The following ARHGAP31 variants were observed in gnomAD, a reference collection of about 807,000 sequenced individuals.
ARHGAP31 encodes the protein rho GTPase-activating protein 31.
ARHGAP31 carries 34 observed loss-of-function variants against 113.9 expected under a neutral mutation model. The ratio of observed to expected loss-of-function variants is 0.30; its 90% CI spans 0.23 to 0.40. The LOEUF (loss-of-function observed/expected upper bound fraction) is 0.40, where lower values mean the gene tolerates loss of function less well. Ranked by LOEUF, ARHGAP31 falls within the 10% of genes least tolerant of loss-of-function variation. The probability of loss-of-function intolerance (pLI) is 1.00; values close to 1 mark genes in which losing one functional copy is unlikely to be tolerated. For synonymous variants in ARHGAP31, 650 were observed against 684.8 expected (o/e 0.95, Z 0.79); for missense variants, 1,548 against 1,767.1 (o/e 0.88, Z 2.22).
rs2080418356 is a variant in ARHGAP31 at position 119,383,211 on chromosome 3, T to A, written c.667T>A (p.Ser223Thr). 1.9e-6 allele frequency: 3 copies of A among 1,614,012 alleles called. No individual in the cohort carries two copies. Among genetic ancestry groups the A allele is most frequent in the African/African-American group, 1.3e-5 (1 of 74,876 alleles). ...DQIFNNGAPG[S>T]LENDENRPIM... ...AATCTTTAACAACGGTGCACCTGGGTCTCTGGAGAATGATGGTAAGGACTC... is the reference window on the plus strand; with the variant it reads ...AATCTTTAACAACGGTGCACCTGGGACTCTGGAGAATGATGGTAAGGACTC... Residue 223 changes from serine (S) to threonine (T), a missense_variant, in exon 6 of 12, where the codon TCT becomes ACT. By Grantham distance (58) the Ser-to-Thr change is moderately conservative. Transcript: ENST00000264245.
chr3:119,360,969 T>A (rs905972898), intron 1 of ARHGAP31, among the ~76,000 whole-genome samples: 6 of 152,222 alleles, frequency 3.9e-5, no homozygotes, highest in Non-Finnish European at 8.8e-5. Context: ...ACCTCCAGCG[T>A]CAGTCCTTCC....
chr3:119,352,165 A>G (rs1035820767), intron 1 of ARHGAP31, among the ~76,000 whole-genome samples: 3 of 152,232 alleles, frequency 2.0e-5, no homozygotes, highest in Admixed American at 1.3e-4. Flanking sequence ...TACAGTTTCT[A>G]TGTACAAGAT....
chr3:119,416,345 C>T lies in ARHGAP31; in HGVS notation c.*81C>T. ...CAGGGCCAGCTTGCCATATTCCAGG[C>T]ACACGTTATCAAGTTTGGGCCTATT... On this transcript the variant is annotated 3_prime_UTR_variant, in exon 12 of 12. Coordinates refer to ENST00000264245, the MANE Select transcript of ARHGAP31 (RefSeq NM_020754.4). 1.9e-6 allele frequency: 3 copies of T among 1,591,320 alleles called. No homozygotes were observed. In the South Asian group the frequency reaches 3.3e-5, roughly 18 times the overall value.
At position 119,294,993 on chromosome 3, in the gene ARHGAP31, C is replaced by T. The variant is rs777703130; in HGVS notation, c.89C>T (p.Ser30Leu). The change falls in exon 1 of 12, where the codon TCG becomes TTG. Residue 30 changes from serine (S) to leucine (L), a missense_variant. By Grantham distance (145) the Ser-to-Leu change is moderately radical. Transcript: ENST00000264245. ...GCDLTEYLES[S>L]GQDVPYVLKS... is the part of the protein sequence containing the mutation. ...GACCTGACGGAGTATCTGGAAAGCT[C>T]GGGACAGGATGGTAATGTGCCTTGG... The T allele has an allele frequency of 1.2e-6, 2 of 1,614,140 alleles. No homozygotes were observed. Among genetic ancestry groups the T allele is most frequent in the East Asian group, 2.2e-5 (1 of 44,866 alleles).
intron 9 of ARHGAP31, among the ~76,000 whole-genome samples, chr3:119,400,777 A>G (rs2080597481): frequency 6.6e-6 from 1 of 152,202 alleles, no homozygotes; most frequent in Non-Finnish European, 1.5e-5. Context: ...GCTTAGTACC[A>G]AGTTAGAAAT....
chr3:119,329,917 G>A lies in ARHGAP31; in HGVS notation c.100+34913G>A, dbSNP rs542460044. ...GAGAAACCTGGTAAATGAAGACCCT[G>A]TCTGGGTAAACAAACAAAGACGCTG... is the stretch of plus-strand genomic sequence containing the variant. On this transcript the variant is annotated intron_variant, in intron 1 of 11. Transcript: ENST00000264245. 3.6e-5 allele frequency: 35 copies of A among 985,376 alleles called. No homozygotes were observed. In the South Asian group the frequency reaches 1.1e-3, roughly 32 times the overall value. 61.0% of individuals were successfully genotyped at this position (985,376 alleles called of 1,614,324 possible). A position where few individuals can be genotyped will look rare whatever the true frequency, so the allele number is the denominator to read the frequency against.
chr3:119,302,253 A>C (rs1271123673), intron 1 of ARHGAP31, among the ~76,000 whole-genome samples: 1 of 152,212 alleles, frequency 6.6e-6, no homozygotes, highest in African/African-American at 2.4e-5. Flanking sequence ...AGGAGTCTAG[A>C]TAGCACTCTC....
In ARHGAP31 at chr3:119,416,491, GAGA is replaced by G. The variant is rs2080780613; in HGVS notation, c.*230_*232del. 1 of 602,236 alleles carries G rather than the reference GAGA, an allele frequency of 1.7e-6. No homozygotes were observed. The highest frequency in any genetic ancestry group is 2.9e-6 in the Non-Finnish European group (1 of 346,874). 37.3% of individuals were successfully genotyped at this position (602,236 alleles called of 1,614,324 possible). On this transcript the variant is annotated 3_prime_UTR_variant, in exon 12 of 12. Coordinates refer to ENST00000264245, the MANE Select transcript of ARHGAP31 (RefSeq NM_020754.4). The stretch of plus-strand genomic sequence containing the variant: ...TAGTTAAGTCTATGTGAGCAAGTGA[GAGA>G]AGGTTAGGTAAGGGGAGAGGATGGA...
intron 1 of ARHGAP31, chr3:119,298,715 C>T (rs2079554888): frequency 6.4e-6 from 1 of 156,598 alleles, no homozygotes; most frequent in South Asian, 1.7e-4. Context: ...GCTGCAGCCA[C>T]GTGCAGCCTG....
In ARHGAP31 at chr3:119,390,807, C is replaced by T. The variant is rs2080497066; in HGVS notation, c.705C>T (p.Ser235=). ...CAGAAAACCGGCCCATCATGAAGAG[C>T]CTGACCTTGCCAGCCCTCTCCCTGC... ...ENDENRPIMK[S]LTLPALSLPM... The change falls in exon 7 of 12, where the codon AGC becomes AGT. Residue 235 remains serine (S), a synonymous_variant. Transcript: ENST00000264245. The T allele has an allele frequency of 1.2e-6, 2 of 1,612,834 alleles. No homozygotes were observed. The highest frequency in any genetic ancestry group is 2.2e-5 in the South Asian group (2 of 91,014).
intron 8 of ARHGAP31, 76 bp downstream of exon 8, chr3:119,393,667 C>A: frequency 6.5e-7 from 1 of 1,530,274 alleles, no homozygotes; most frequent in South Asian, 1.1e-5. Context: ...TTGGTTTGAT[C>A]ATATCAAACA....
chr3:119,376,043 C>T (rs1011651065), intron 3 of ARHGAP31, among the ~76,000 whole-genome samples: 6 of 152,082 alleles, frequency 3.9e-5, no homozygotes, highest in African/African-American at 1.4e-4. Flanking sequence ...GCGTCAGTCT[C>T]CCTTGGTTAA....
chr3:119,418,462 T>C lies in ARHGAP31; in HGVS notation c.*2198T>C, dbSNP rs1327941065. On this transcript the variant is annotated 3_prime_UTR_variant, in exon 12 of 12. Transcript: ENST00000264245. ...GGTGTCGACGCTCTGATAAGGACCATGTTCCAGTTAGAATGCGAGGGAGGG... is the reference window on the plus strand; with the variant it reads ...GGTGTCGACGCTCTGATAAGGACCACGTTCCAGTTAGAATGCGAGGGAGGG... The C allele has an allele frequency of 1.3e-5, 2 of 152,212 alleles. No individual in the cohort carries two copies. The highest frequency in any genetic ancestry group is 2.4e-5 in the African/African-American group (1 of 41,466). The allele number at this position is 152,212 out of a possible 1,614,324, so 9.4% of individuals were successfully genotyped here.
At chr3:119,336,656 T>G (rs1577000270) in intron 1 of ARHGAP31, among the ~76,000 whole-genome samples, 1 of 151,904 alleles carries the variant, frequency 6.6e-6, no homozygotes, top group Admixed American at 6.6e-5. Context: ...TTTATTGAGA[T>G]ATAATTAACA....
At chr3:119,353,056 G>A (rs770523424) in intron 1 of ARHGAP31, among the ~76,000 whole-genome samples, 2 of 152,134 alleles carry the variant, frequency 1.3e-5, no homozygotes, top group Non-Finnish European at 2.9e-5. Flanking sequence ...TGTATATTGC[G>A]TCACGTCAAT....
At chr3:119,303,782 G>GTTTTTT (rs140742505) in intron 1 of ARHGAP31, among the ~76,000 whole-genome samples, 2 of 150,584 alleles carry the variant, frequency 1.3e-5, no homozygotes, top group African/African-American at 2.5e-5. Flanking sequence ...CTCTTTTCAT[G>GTTTTTT]TTTTTTGTTG....
rs1416068409 is a variant in ARHGAP31, at chr3:119,414,538, TC to T, written c.2610del (p.Ile870MetfsTer9). 4 of 1,614,056 alleles carry T rather than the reference TC, an allele frequency of 2.5e-6. No homozygotes were observed. The highest frequency in any genetic ancestry group is 3.4e-6 in the Non-Finnish European group (4 of 1,180,044). ...GFPSPTREVE[I>X]VSQEEEDVTH... ...CCAAGCCCAACCAGGGAGGTTGAGA[TC>T]GTCTCACAAGAAGAGGAGGATGTAA... On this transcript the variant is annotated frameshift_variant, in exon 12 of 12. Coordinates refer to ENST00000264245, the MANE Select transcript of ARHGAP31 (RefSeq NM_020754.4). LOFTEE classifies it high-confidence loss of function.
intron 1 of ARHGAP31, among the ~76,000 whole-genome samples, chr3:119,353,680 C>T (rs114603882): frequency 0.042 from 6,383 of 151,574 alleles, 381 homozygotes; most frequent in South Asian, 0.13. Flanking sequence ...CCCAGCTGCT[C>T]CAGAGGCTGA....
chr3:119,400,602 G>A (rs1354584300), intron 9 of ARHGAP31, among the ~76,000 whole-genome samples: 1 of 152,160 alleles, frequency 6.6e-6, no homozygotes, highest in Non-Finnish European at 1.5e-5. Context: ...CAGTTTTGCA[G>A]GAGTTAATAT....
Sources: gnomAD v4.1 joint callset for allele counts (sites outside exome capture counted in the v4.1 genomes callset) on GRCh38, gnomAD v4.1.1 for gene constraint, MANE v1.5 for transcripts, NCBI Gene and HGNC (gene_info 2026-07-23, HGNC 2026-07-21) for gene names.